The following FRMD6 variants were observed in gnomAD, a reference collection of about 807,000 sequenced individuals.
FRMD6 encodes the protein FERM domain containing 6, also known as FERM domain-containing protein 6.
Under a neutral mutation model 73.2 loss-of-function variants are expected in FRMD6, and 37 were observed. The ratio of observed to expected loss-of-function variants is 0.51; its 90% confidence interval spans 0.39 to 0.66. The LOEUF (loss-of-function observed/expected upper bound fraction) is 0.66, where lower values mean the gene tolerates loss of function less well. Ranked by LOEUF, FRMD6 falls within the 30% of genes least tolerant of loss-of-function variation. The probability of loss-of-function intolerance (pLI) is 0.00; values close to 1 mark genes in which losing one functional copy is unlikely to be tolerated. For missense variants in FRMD6, 714 were observed against 780.5 expected (o/e 0.91, Z 1.02); for synonymous variants, 273 against 282.2 (o/e 0.97, Z 0.33).
chr14:51,588,241 C>T (rs1956583), intron 2 of FRMD6, among the ~76,000 whole-genome samples: 132,506 of 152,060 alleles, frequency 0.87, 58,063 homozygotes, highest in Non-Finnish European at 0.92. Flanking sequence ...TTTTGTTGTT[C>T]TGTTTTCTGT....
chr14:51,592,556 T>A (rs1172283500), intron 2 of FRMD6, among the ~76,000 whole-genome samples: 1 of 152,246 alleles, frequency 6.6e-6, no homozygotes. Flanking sequence ...TTAGATGACA[T>A]TTGAACACGA....
At chr14:51,436,722 T>G in the FRMD6 span, 2 of 536,196 alleles carry the variant, frequency 3.7e-6, no homozygotes, top group South Asian at 3.7e-5. Flanking sequence ...CCAAACCTAT[T>G]ACAGTACTAC....
chr14:51,629,223 A>G (rs1236960943), intron 2 of FRMD6, among the ~76,000 whole-genome samples: 3 of 152,166 alleles, frequency 2.0e-5, no homozygotes, highest in African/African-American at 7.2e-5. Context: ...AAGTTCATCC[A>G]CGTTGTTGCA....
intron 2 of FRMD6, among the ~76,000 whole-genome samples, chr14:51,588,642 A>T (rs760839560): frequency 6.6e-6 from 1 of 152,076 alleles, no homozygotes; most frequent in Non-Finnish European, 1.5e-5. Flanking sequence ...AGAGTTTTAG[A>T]TCTCCTAAAA....
upstream of FRMD6, chr14:51,649,758 C>A (rs1892249885): frequency 6.6e-6 from 1 of 151,922 alleles, no homozygotes; most frequent in Non-Finnish European, 1.5e-5. Context: ...AGTACAGCTA[C>A]ATTTTTTTTT....
chr14:51,421,378 TC>T, the FRMD6 span, among the ~76,000 whole-genome samples: 2 of 152,140 alleles, frequency 1.3e-5, no homozygotes, highest in Admixed American at 1.3e-4. Flanking sequence ...CAAGACTCAG[TC>T]CTAAGGCCAA....
chr14:51,727,997 A>G lies in FRMD6; in HGVS notation c.1837A>G (p.Thr613Ala). The G allele has an allele frequency of 1.2e-6, 2 of 1,611,168 alleles. No homozygotes were observed. The highest frequency in any genetic ancestry group is 1.7e-6 in the Non-Finnish European group (2 of 1,177,528). ...CAGCAAATACTTTTCTCTGGATCTC[A>G]CTCATGATGAAGTTCCAGAGTTTGT... is the stretch of plus-strand genomic sequence containing the variant. ...RTSKYFSLDL[T>A]HDEVPEFVV Residue 613 changes from threonine (T) to alanine (A), a missense_variant, in exon 14 of 14, where the codon ACT becomes GCT. By Grantham distance (58) the Thr-to-Ala change is moderately conservative. Transcript: ENST00000344768.
At chr14:51,597,635 T>C (rs1193424322) in intron 2 of FRMD6, among the ~76,000 whole-genome samples, 6 of 152,220 alleles carry the variant, frequency 3.9e-5, no homozygotes, top group African/African-American at 1.4e-4. Context: ...GTGGGGATAA[T>C]GGTGCCTACT....
intron 1 of FRMD6, among the ~76,000 whole-genome samples, chr14:51,528,809 T>C (rs1693796557): frequency 6.6e-6 from 1 of 152,188 alleles, no homozygotes; most frequent in Admixed American, 6.5e-5. Context: ...AGAGAAATCT[T>C]CCAGCAAAAC....
the FRMD6 span, among the ~76,000 whole-genome samples, chr14:51,428,901 C>T: frequency 1.4e-5 from 2 of 145,462 alleles, no homozygotes; most frequent in African/African-American, 2.5e-5. Context: ...AAGATATTCC[C>T]TGAGGCTACA....
At chr14:51,711,195 G>A (rs531584443) in intron 7 of FRMD6, among the ~76,000 whole-genome samples, 181 of 152,218 alleles carry the variant, frequency 1.2e-3, no homozygotes, top group Non-Finnish European at 2.2e-3. Context: ...CAATGCAAAA[G>A]CAGCAAAAAT....
chr14:51,635,152 G>C (rs1344441988), intron 2 of FRMD6, among the ~76,000 whole-genome samples: 1 of 152,150 alleles, frequency 6.6e-6, no homozygotes, highest in East Asian at 1.9e-4. Flanking sequence ...GGAGGCTGAG[G>C]TACAGAGGTC....
At chr14:51,443,095 G>A in the FRMD6 span, among the ~76,000 whole-genome samples, 1 of 152,150 alleles carries the variant, frequency 6.6e-6, no homozygotes, top group Admixed American at 6.5e-5. Context: ...TCATCCATAG[G>A]CTTCTCCCCC....
At chr14:51,663,201 G>A (rs189618856) in intron 1 of FRMD6, among the ~76,000 whole-genome samples, 2 of 152,358 alleles carry the variant, frequency 1.3e-5, no homozygotes, top group South Asian at 2.1e-4. Context: ...GTGGAAGACA[G>A]TGTGGTGATT....
intron 1 of FRMD6, among the ~76,000 whole-genome samples, chr14:51,657,597 G>T (rs1232417554): frequency 6.6e-6 from 1 of 152,070 alleles, no homozygotes; most frequent in Non-Finnish European, 1.5e-5. Context: ...TATCCATTTT[G>T]TTGGTGGATA....
chr14:51,729,607 T>C lies in FRMD6; in HGVS notation c.*1578T>C, dbSNP rs1398921437. 1 of 152,672 alleles carries C rather than the reference T, an allele frequency of 6.5e-6. No homozygotes were observed. The highest frequency in any genetic ancestry group is 1.5e-5 in the Non-Finnish European group (1 of 68,046). The allele number at this position is 152,672 out of a possible 1,614,324, so 9.5% of individuals were successfully genotyped here. A position where few individuals can be genotyped will look rare whatever the true frequency, so the allele number is the denominator to read the frequency against. On this transcript the variant is annotated 3_prime_UTR_variant, in exon 14 of 14. Coordinates refer to ENST00000344768, the MANE Select transcript of FRMD6 (RefSeq NM_001267046.2). ...CCAGTTTTATTAAAAAAACTATATA[T>C]TATTTTCTAAAGAAACAATCATATT...
In FRMD6 at chr14:51,587,182, T is replaced by G. The variant is rs972496111; in HGVS notation, c.-147+16772T>G. The stretch of plus-strand genomic sequence containing the variant: ...TTTCCCAGTATATATTTTTGATGAC[T>G]TTGCCAAAGATCAGTTGGTTGTTAG... On this transcript the variant is annotated intron_variant, in intron 2 of 14. Coordinates refer to the FRMD6 transcript ENST00000356218. Among the ~76,000 whole-genome samples the G allele has an allele frequency of 7.9e-5, 12 of 152,340 alleles. No homozygotes were observed. The South Asian group carries it at 2.1e-3, about 26-fold the overall frequency.
chr14:51,532,080 T>C (rs1358531980), intron 1 of FRMD6, among the ~76,000 whole-genome samples: 1 of 152,166 alleles, frequency 6.6e-6, no homozygotes, highest in Non-Finnish European at 1.5e-5. Context: ...TTAAAAGAAA[T>C]TATTGGGGCC....
intron 1 of FRMD6, among the ~76,000 whole-genome samples, chr14:51,553,101 A>G (rs1352654017): frequency 1.3e-5 from 2 of 152,218 alleles, no homozygotes; most frequent in Non-Finnish European, 2.9e-5. Flanking sequence ...TGATTTCTAG[A>G]GAGATCTCCA....
Sources: gnomAD v4.1 joint callset for allele counts (sites outside exome capture counted in the v4.1 genomes callset) on GRCh38, gnomAD v4.1.1 for gene constraint, MANE v1.5 for transcripts, NCBI Gene and HGNC (gene_info 2026-07-23, HGNC 2026-07-21) for gene names.